Variants in ZC3H4 observed in about 807,000 individuals in gnomAD.
ZC3H4 encodes zinc finger CCCH-type containing 4, also known as zinc finger CCCH domain-containing protein 4.
Under a neutral mutation model 108.3 loss-of-function variants are expected in ZC3H4, and 13 were observed. The observed-to-expected ratio is 0.12, with a 90% CI of 0.08 to 0.19. The LOEUF (loss-of-function observed/expected upper bound fraction) is 0.19. ZC3H4 is among the 10% of genes least tolerant of loss of function. The probability of loss-of-function intolerance (pLI) is 1.00; values close to 1 mark genes in which losing one functional copy is unlikely to be tolerated. For missense variants in ZC3H4, 1,734 were observed against 1,838.8 expected, an observed-to-expected ratio of 0.94 and a Z score of 1.04; for synonymous variants, 917 against 749.6, an observed-to-expected ratio of 1.22 and a Z score of -3.65.
chr19:47,094,200 C>G, intron 3 of ZC3H4, 120 bp from the exon 4 acceptor site: 1 of 1,136,874 alleles, frequency 8.8e-7, no homozygotes, highest in East Asian at 2.4e-5. Flanking sequence ...ACCTGAAACA[C>G]CTCACCTGGG....
chr19:47,094,250 A>T, intron 3 of ZC3H4, 139 bp downstream of exon 3: 1 of 1,154,198 alleles, frequency 8.7e-7, no homozygotes, highest in South Asian at 1.4e-5. Context: ...CAACTCTTTT[A>T]AAAAAGGTCT....
rs750456381 is a variant in ZC3H4, at chr19:47,066,605, G to A, written c.3663C>T (p.Pro1221=). ...PTDRYNSYNR[P]RPKAAAAPAA... is the part of the protein sequence containing the mutation. Reference sequence around the variant, plus strand: ...CGGGGGCTGCAGCAGCCTTGGGCCGGGGCCGGTTGTAGCTGTTGTATCTGT... The same window carrying A: ...CGGGGGCTGCAGCAGCCTTGGGCCGAGGCCGGTTGTAGCTGTTGTATCTGT... Residue 1221 remains proline, a synonymous_variant, in exon 15 of 15, where the codon CCC becomes CCT. Transcript: ENST00000253048. 22 of 1,606,662 alleles carry A rather than the reference G, an allele frequency of 1.4e-5. No homozygotes were observed. The highest frequency in any genetic ancestry group is 1.8e-5 in the Non-Finnish European group (21 of 1,176,544).
chr19:47,066,857 GC>G lies in ZC3H4; in HGVS notation c.3410del (p.Gly1137AlafsTer7). On this transcript the variant is annotated frameshift_variant, in exon 15 of 15. Transcript: ENST00000253048. LOFTEE classifies it high-confidence loss of function. ...AAGGLGQGGGGGQSSVLSGIS... is the reference protein window; with the variant it reads ...AAGGLGQGGGXGQSSVLSGIS... The stretch of plus-strand genomic sequence containing the variant: ...TACCGCTCAGCACACTGCTCTGCCC[GC>G]CCCCTCCGCCCTGGCCCAGTCCACC... 1.3e-6 allele frequency: 2 copies of G among 1,598,328 alleles called. No individual in the cohort carries two copies.
Position 47,085,423 on chromosome 19 carries a change from C to T in ZC3H4, c.871-9G>A, listed in dbSNP as rs929586685. ...TCCTCACTCTCTCCATACTGGAATG[C>T]GCAGAGGAGAGGGCAGGAGAGCGTC... On this transcript the variant is annotated splice_polypyrimidine_tract_variant and intron_variant, in intron 6 of 14. Transcript: ENST00000253048. 17 of 1,569,792 alleles carry T rather than the reference C, an allele frequency of 1.1e-5. No homozygotes were observed. The highest frequency in any genetic ancestry group is 7.6e-5 in the Admixed American group (4 of 52,558).
At chr19:47,071,667 G>A (rs74735002) in intron 13 of ZC3H4, 111 bp downstream of exon 13, 292 of 1,164,552 alleles carry the variant, frequency 2.5e-4, no homozygotes, top group Non-Finnish European at 2.8e-4. Flanking sequence ...CAGAGATGGA[G>A]TCATGCTTTC....
At chr19:47,084,096 A>G (rs2057572196) in intron 9 of ZC3H4, among the ~76,000 whole-genome samples, 3 of 152,206 alleles carry the variant, frequency 2.0e-5, no homozygotes, top group Admixed American at 1.3e-4. Context: ...GGATTGGTTG[A>G]AAATTTTGGC....
chr19:47,105,726 T>C (rs1223765973), intron 2 of ZC3H4, among the ~76,000 whole-genome samples: 1 of 152,238 alleles, frequency 6.6e-6, no homozygotes, highest in Non-Finnish European at 1.5e-5. Flanking sequence ...TTTTTGACAC[T>C]GACCCACATC....
Position 47,071,923 on chromosome 19 carries a change from G to T in ZC3H4, c.2001C>A (p.Gly667=), listed in dbSNP as rs749750092. 1.9e-6 allele frequency: 3 copies of T among 1,611,986 alleles called. No individual in the cohort carries two copies. The highest frequency in any genetic ancestry group is 2.7e-5 in the African/African-American group (2 of 74,892). ...GGCCGTAGGGCATCATTGGAGGGCC[G>T]CCAGGGCCCATGGGTGGGCCAGGAT... ...GMNPGPPMGP[G]GPPMMPYGPG... The change falls in exon 13 of 15, where the codon GGC becomes GGA. Residue 667 remains glycine, a synonymous_variant. Transcript: ENST00000253048.
At chr19:47,084,303 G>C in intron 9 of ZC3H4, 42 bp downstream of exon 9, 1 of 1,583,194 alleles carries the variant, frequency 6.3e-7, no homozygotes, top group South Asian at 1.1e-5. Flanking sequence ...TCCTCTGGGG[G>C]CTATGGCCTC....
chr19:47,069,216 G>A lies in ZC3H4; in HGVS notation c.2274C>T (p.Val758=). 1.9e-6 allele frequency: 3 copies of A among 1,612,856 alleles called. No homozygotes were observed. Among genetic ancestry groups the A allele is most frequent in the Admixed American group, 1.7e-5 (1 of 60,016 alleles). ...PPGRPKPGAG[V]PDFLPSAQRA... ...TCTGGGCTGAGGGCAGGAAGTCAGGGACACCGGCGCCTGGCTTCGGCCGGC... is the reference window on the plus strand; with the variant it reads ...TCTGGGCTGAGGGCAGGAAGTCAGGAACACCGGCGCCTGGCTTCGGCCGGC... The change falls in exon 14 of 15, where the codon GTC becomes GTT. Residue 758 remains valine (V), a synonymous_variant. Transcript: ENST00000253048.
chr19:47,071,552 C>G (rs1230635418), intron 13 of ZC3H4, among the ~76,000 whole-genome samples: 1 of 152,140 alleles, frequency 6.6e-6, no homozygotes. Flanking sequence ...GCACAGCTTG[C>G]AAAATTAAAA....
At chr19:47,105,966 G>T (rs4804025) in intron 2 of ZC3H4, among the ~76,000 whole-genome samples, 2 of 151,940 alleles carry the variant, frequency 1.3e-5, no homozygotes, top group African/African-American at 4.8e-5. Flanking sequence ...CAGCCACCCC[G>T]GGTTCTAACT....
At chr19:47,078,967 C>T (rs899215242) in intron 11 of ZC3H4, among the ~76,000 whole-genome samples, 7 of 145,484 alleles carry the variant, frequency 4.8e-5, no homozygotes, top group East Asian at 2.4e-4. Context: ...GCGAAGGTTG[C>T]GGTGAGCAGA....
At chr19:47,068,309 GGC>G (rs2057257233) in intron 14 of ZC3H4, among the ~76,000 whole-genome samples, 1 of 152,206 alleles carries the variant, frequency 6.6e-6, no homozygotes, top group South Asian at 2.1e-4. Flanking sequence ...TCCAGCTGTG[GGC>G]ACCTCTTTCT....
At chr19:47,094,742 G>A (rs1183405574) in intron 2 of ZC3H4, 134 bp from the exon 3 acceptor site, 7 of 823,698 alleles carry the variant, frequency 8.5e-6, no homozygotes, top group Non-Finnish European at 1.2e-5. Flanking sequence ...GAGGACATGG[G>A]GGCCATGGCC....
At chr19:47,107,855 T>C (rs1275640877) in intron 2 of ZC3H4, among the ~76,000 whole-genome samples, 3 of 152,140 alleles carry the variant, frequency 2.0e-5, no homozygotes, top group East Asian at 3.8e-4. Flanking sequence ...TGCATCTGCA[T>C]TAACTCCTAA....
Position 47,067,319 on chromosome 19 carries a change from G to C in ZC3H4, c.2949C>G (p.Asp983Glu). The stretch of plus-strand genomic sequence containing the variant: ...GCTTGGGGATGGGTAGGGGGATCAG[G>C]TCCTCGGGATTCCAGAGCACGGTGC... ...FARTVLWNPE[D>E]LIPLPIPKQD... The change falls in exon 15 of 15, where the codon GAC becomes GAG. Residue 983 changes from aspartate to glutamate, a missense_variant. Around this residue, in one of 9 missense-constraint regions of ZC3H4, gnomAD observed 518 missense variants for 499.6 expected, o/e 1.04. Transcript: ENST00000253048. This position sits in a 1 kb window ranked among gnomAD's most constrained non-coding sequence, Gnocchi z 6.4. The C allele has an allele frequency of 6.3e-7, 1 of 1,597,176 alleles. No individual in the cohort carries two copies. Among genetic ancestry groups the C allele is most frequent in the Non-Finnish European group, 8.5e-7 (1 of 1,170,794 alleles).
At chr19:47,096,198 C>T (rs571319403) in intron 2 of ZC3H4, among the ~76,000 whole-genome samples, 2 of 152,342 alleles carry the variant, frequency 1.3e-5, no homozygotes, top group South Asian at 2.1e-4. Flanking sequence ...CCCACAGATA[C>T]CCCTGGGCAG....
intron 2 of ZC3H4, among the ~76,000 whole-genome samples, chr19:47,098,486 C>CA (rs142251542): frequency 0.62 from 62,280 of 100,044 alleles, 19,069 homozygotes; most frequent in Non-Finnish European, 0.73. Context: ...AACTGTGTCT[C>CA]AAAAAAAAAA....
Sources: gnomAD v4.1 joint callset for allele counts (sites outside exome capture counted in the v4.1 genomes callset) on GRCh38, gnomAD v4.1.1 for gene constraint, gnomAD v4.1.1 regional missense constraint, Gnocchi (gnomAD v3.1) non-coding constraint, MANE v1.5 for transcripts, NCBI Gene and HGNC (gene_info 2026-07-23, HGNC 2026-07-21) for gene names.